KIAA0586: variants seen among roughly 807,000 people sequenced by gnomAD.
KIAA0586 encodes protein TALPID3.
In KIAA0586, 144 loss-of-function variants were observed where a neutral mutation model predicts 169.8. The ratio of observed to expected loss-of-function variants is 0.85; its 90% CI spans 0.74 to 0.97. The LOEUF (loss-of-function observed/expected upper bound fraction) is 0.97, where lower values mean the gene tolerates loss of function less well. Among genes scored for constraint, KIAA0586 ranks in the 50% least tolerant of loss-of-function variants. The pLI is 0.00. For missense variants in KIAA0586, 1,854 were observed against 1,823.0 expected (o/e 1.02, Z -0.31); for synonymous variants, 625 against 612.4 (o/e 1.02, Z -0.30).
chr14:58,555,099 C>CTTTTT (rs35845234), downstream of KIAA0586, among the ~76,000 whole-genome samples: 734 of 102,416 alleles, frequency 7.2e-3, no homozygotes, highest in Non-Finnish European at 8.5e-3. Flanking sequence ...TTCTTTCTTT[C>CTTTTT]TTTTTTTTTT....
At chr14:58,507,366 A>C (rs2044069166) in intron 27 of KIAA0586, among the ~76,000 whole-genome samples, 1 of 147,234 alleles carries the variant, frequency 6.8e-6, no homozygotes, top group Non-Finnish European at 1.5e-5. Context: ...AATATATCAT[A>C]TATATGAATT....
intron 21 of KIAA0586, among the ~76,000 whole-genome samples, chr14:58,483,992 G>A (rs2042206607): frequency 1.3e-5 from 2 of 152,100 alleles, no homozygotes; most frequent in Admixed American, 6.6e-5. Flanking sequence ...GATGTGGTCA[G>A]GGTTATGGTT....
chr14:58,532,006 A>G (rs969389009), intron 29 of KIAA0586, among the ~76,000 whole-genome samples: 2 of 151,994 alleles, frequency 1.3e-5, no homozygotes, highest in African/African-American at 4.8e-5. Flanking sequence ...GGCCACAGGG[A>G]AGGGAATATC....
Position 58,487,981 on chromosome 14 carries a change from G to A in KIAA0586, c.3399G>A (p.Leu1133=). 6.2e-7 allele frequency: 1 copy of A among 1,613,332 alleles called. No individual in the cohort carries two copies. The highest frequency in any genetic ancestry group is 1.1e-5 in the South Asian group (1 of 90,964). The part of the protein sequence containing the change: ...PPAAAVFTPT[L]SDISIDKLKV... The stretch of plus-strand genomic sequence containing the variant: ...CGGCGGCAGTTTTTACCCCAACTTT[G>A]TCAGATATTTCCATTGATAAATTGA... The change falls in exon 23 of 31, where the codon TTG becomes TTA. Residue 1133 remains leucine, a synonymous_variant. Coordinates refer to ENST00000652326, the MANE Select transcript of KIAA0586 (RefSeq NM_001329943.3).
intron 27 of KIAA0586, among the ~76,000 whole-genome samples, chr14:58,500,510 G>T (rs1164842134): frequency 6.6e-6 from 1 of 152,160 alleles, no homozygotes; most frequent in African/African-American, 2.4e-5. Flanking sequence ...TTTAAGACCA[G>T]CCTGGCCAAC....
intron 28 of KIAA0586, among the ~76,000 whole-genome samples, chr14:58,510,167 G>A (rs1188899927): frequency 1.3e-5 from 2 of 152,094 alleles, no homozygotes; most frequent in Admixed American, 1.3e-4. Flanking sequence ...TCAAGAGATC[G>A]AGACCATCTT....
chr14:58,498,534 G>C (rs996250662), intron 26 of KIAA0586, among the ~76,000 whole-genome samples: 1 of 151,962 alleles, frequency 6.6e-6, no homozygotes, highest in East Asian at 1.9e-4. Context: ...CTATTTAATT[G>C]GTGCTTGAAA....
At chr14:58,432,573 A>G (rs991730685) in intron 4 of KIAA0586, 116 bp downstream of exon 4, 2 of 580,518 alleles carry the variant, frequency 3.4e-6, no homozygotes, top group Admixed American at 3.7e-5. Flanking sequence ...TGTGATATGT[A>G]TAAAGCATTT....
Position 58,537,087 on chromosome 14 carries a change from C to T in KIAA0586, c.4430-2984C>T, listed in dbSNP as rs1432796119. 2.4e-6 allele frequency: 3 copies of T among 1,233,316 alleles called. No individual in the cohort carries two copies. The Admixed American group carries it at 8.0e-5, about 33-fold the overall frequency. 76.4% of individuals were successfully genotyped at this position (1,233,316 alleles called of 1,614,324 possible). The stretch of plus-strand genomic sequence containing the variant: ...CAAGTTGTGTTGACCTAGTTGTAGG[C>T]CGTGTTTGCTGTTTTAATCATCAAC... On this transcript the variant is annotated intron_variant, in intron 29 of 30. Coordinates refer to ENST00000652326, the MANE Select transcript of KIAA0586 (RefSeq NM_001329943.3).
intron 29 of KIAA0586, among the ~76,000 whole-genome samples, chr14:58,516,573 C>G (rs188544260): frequency 6.6e-6 from 1 of 152,212 alleles, no homozygotes; most frequent in Non-Finnish European, 1.5e-5. Flanking sequence ...TCAGTTCCCT[C>G]CAAATTGATC....
In KIAA0586 at chr14:58,548,045, A is replaced by G. The variant is rs2047092977; in HGVS notation, c.*113A>G. Reference sequence around the variant, plus strand: ...TTTTTGAGCATATTCTGAAAAAAAAATTCCAATATTTTAAAATAAAACAAA... The same window carrying G: ...TTTTTGAGCATATTCTGAAAAAAAAGTTCCAATATTTTAAAATAAAACAAA... On this transcript the variant is annotated 3_prime_UTR_variant, in exon 31 of 31. Transcript: ENST00000652326. 2 of 1,256,556 alleles carry G rather than the reference A, an allele frequency of 1.6e-6. No homozygotes were observed. Among genetic ancestry groups the G allele is most frequent in the Non-Finnish European group, 2.2e-6 (2 of 920,712 alleles). The allele number at this position is 1,256,556 out of a possible 1,614,324, so 77.8% of individuals were successfully genotyped here.
At chr14:58,471,144 C>T (rs2140991974) in intron 17 of KIAA0586, among the ~76,000 whole-genome samples, 1 of 152,288 alleles carries the variant, frequency 6.6e-6, no homozygotes, top group South Asian at 2.1e-4. Flanking sequence ...AGCCACCACG[C>T]CAGCCCAAAA....
At chr14:58,469,175 C>T (rs1301349927) in intron 16 of KIAA0586, among the ~76,000 whole-genome samples, 4 of 152,202 alleles carry the variant, frequency 2.6e-5, no homozygotes, top group East Asian at 3.8e-4. Context: ...ACAAACACTT[C>T]GTTCTCATAG....
downstream of KIAA0586, among the ~76,000 whole-genome samples, chr14:58,554,283 G>A (rs922171059): frequency 1.7e-4 from 26 of 151,984 alleles, no homozygotes; most frequent in African/African-American, 5.1e-4. Flanking sequence ...TTGTATAGTC[G>A]CATACTAGGG....
chr14:58,521,479 T>C, intron 29 of KIAA0586: 1 of 759,214 alleles, frequency 1.3e-6, no homozygotes, highest in South Asian at 1.3e-5. Context: ...ACGGGATTAT[T>C]ATGATAGGAT....
chr14:58,432,600 C>T (rs187676390), intron 4 of KIAA0586, 143 bp downstream of exon 4: 10 of 503,328 alleles, frequency 2.0e-5, no homozygotes, highest in Non-Finnish European at 3.2e-5. Flanking sequence ...GTGCTAGACA[C>T]GTATAAAATA....
intron 20 of KIAA0586, among the ~76,000 whole-genome samples, chr14:58,478,448 A>G (rs981233237): frequency 6.6e-6 from 1 of 152,146 alleles, no homozygotes; most frequent in East Asian, 1.9e-4. Context: ...ACGTCACTGC[A>G]CTCCAGCCTG....
At chr14:58,554,159 G>A (rs984899367), downstream of KIAA0586, among the ~76,000 whole-genome samples, 3 of 152,022 alleles carry the variant, frequency 2.0e-5, no homozygotes, top group Non-Finnish European at 2.9e-5. Context: ...TGCAAGCAGC[G>A]TTCAAGCCTC....
At chr14:58,444,239 T>C in intron 6 of KIAA0586, 64 bp downstream of exon 6, 1 of 1,035,200 alleles carries the variant, frequency 9.7e-7, no homozygotes, top group Admixed American at 2.2e-5. Flanking sequence ...TCAGCCAGTA[T>C]TCATTGATAA....
Sources: allele counts gnomAD v4.1 joint callset (sites outside exome capture counted in the v4.1 genomes callset), GRCh38; gene constraint gnomAD v4.1.1; transcripts MANE v1.5; gene names NCBI Gene and HGNC (gene_info 2026-07-23, HGNC 2026-07-21).